The following AMBRA1 variants were observed in gnomAD, a reference collection of about 807,000 sequenced individuals.
The protein encoded by AMBRA1 is activating molecule in BECN1-regulated autophagy protein 1.
A neutral mutation model predicts 125.4 loss-of-function variants in AMBRA1; 47 were observed. That is an observed-to-expected ratio of 0.37 (90% CI 0.30 to 0.48). The LOEUF is 0.48. Among genes scored for constraint, AMBRA1 ranks in the 20% least tolerant of loss-of-function variants. AMBRA1 has a pLI of 0.99. For synonymous variants in AMBRA1, 626 were observed against 655.5 expected, an observed-to-expected ratio of 0.95 and a Z score of 0.69; for missense variants, 1,331 against 1,693.4, an observed-to-expected ratio of 0.79 and a Z score of 3.76.
At chr11:46,454,694 C>T (rs1021855916) in intron 11 of AMBRA1, among the ~76,000 whole-genome samples, 2 of 151,162 alleles carry the variant, frequency 1.3e-5, no homozygotes, top group Non-Finnish European at 2.9e-5. Context: ...GAGCTTGCAG[C>T]GAGCCGAGAT....
intron 7 of AMBRA1, among the ~76,000 whole-genome samples, chr11:46,525,596 C>A (rs1951933641): frequency 6.6e-6 from 1 of 152,012 alleles, no homozygotes; most frequent in Admixed American, 6.5e-5. Flanking sequence ...ATTAAAAATA[C>A]AAAAATTAGC....
rs116977134 is a variant in AMBRA1 at position 46,572,789 on chromosome 11, C to T, written c.-121+21039G>A. Among the ~76,000 whole-genome samples the T allele has an allele frequency of 4.9e-4, 74 of 152,122 alleles. No individual in the cohort carries two copies. The East Asian group carries it at 9.9e-3, about 20-fold the overall frequency. The stretch of plus-strand genomic sequence containing the variant: ...CCCCCCACTGTACATTTGTGGTCAC[C>T]AGATTTAAAAATAAGTATTCTGAGC... On this transcript the variant is annotated intron_variant, in intron 1 of 17. Transcript: ENST00000683756.
chr11:46,482,260 G>A (rs554467830), intron 11 of AMBRA1, among the ~76,000 whole-genome samples: 1 of 152,246 alleles, frequency 6.6e-6, no homozygotes, highest in East Asian at 1.9e-4. Flanking sequence ...GCAATGTTTT[G>A]GATAATTGTA....
chr11:46,583,167 A>G (rs2135319210), intron 1 of AMBRA1, among the ~76,000 whole-genome samples: 1 of 152,306 alleles, frequency 6.6e-6, no homozygotes, highest in South Asian at 2.1e-4. Context: ...TGATCAATGG[A>G]ACAGAACAGA....
intron 11 of AMBRA1, among the ~76,000 whole-genome samples, chr11:46,477,494 T>G (rs1590907749): frequency 6.7e-6 from 1 of 148,902 alleles, no homozygotes; most frequent in African/African-American, 2.5e-5. Context: ...CTCAGCTAAT[T>G]TCTGGAAAAA....
chr11:46,469,229 T>C (rs539356060), intron 11 of AMBRA1, among the ~76,000 whole-genome samples: 3 of 152,330 alleles, frequency 2.0e-5, no homozygotes, highest in African/African-American at 7.2e-5. Flanking sequence ...GTATTTTCAT[T>C]GAATATGGTA....
chr11:46,465,132 G>C (rs529867844), intron 11 of AMBRA1, among the ~76,000 whole-genome samples: 1 of 152,062 alleles, frequency 6.6e-6, no homozygotes, highest in African/African-American at 2.4e-5. Context: ...TGGACAACTA[G>C]TGCCCACACC....
chr11:46,488,228 G>A (rs146402129), intron 11 of AMBRA1, among the ~76,000 whole-genome samples: 2 of 152,306 alleles, frequency 1.3e-5, no homozygotes, highest in Admixed American at 1.3e-4. Context: ...AGCTGGGGCA[G>A]GTAGATCCCT....
intron 11 of AMBRA1, among the ~76,000 whole-genome samples, chr11:46,484,096 G>A (rs1165661206): frequency 6.6e-6 from 1 of 152,198 alleles, no homozygotes; most frequent in East Asian, 1.9e-4. Flanking sequence ...GTTTATCATA[G>A]GCTCAGCTCA....
chr11:46,562,042 T>TTA (rs2043356513), intron 1 of AMBRA1, among the ~76,000 whole-genome samples: 1 of 152,200 alleles, frequency 6.6e-6, no homozygotes, highest in African/African-American at 2.4e-5. Context: ...TATGTGATTT[T>TTA]TATATAATTA....
At chr11:46,463,929 T>C (rs1018778773) in intron 11 of AMBRA1, among the ~76,000 whole-genome samples, 1 of 152,246 alleles carries the variant, frequency 6.6e-6, no homozygotes, top group African/African-American at 2.4e-5. Context: ...GCAAGGCTCT[T>C]GCCTTGGGGC....
Position 46,417,893 on chromosome 11 carries a change from C to T in AMBRA1, c.3116+20G>A, listed in dbSNP as rs542611648. 90 of 1,593,232 alleles carry T rather than the reference C, an allele frequency of 5.6e-5. 1 individual carries two copies. The South Asian group carries it at 1.0e-3, about 18-fold the overall frequency. ...CTCGGCCCCAGTGATCCCTCAACCC[C>T]CACACTTTAAGCCACTTACTCTGGT... On this transcript the variant is annotated intron_variant, in intron 15 of 17. Transcript: ENST00000683756.
intron 1 of AMBRA1, among the ~76,000 whole-genome samples, chr11:46,581,031 C>T (rs1793417876): frequency 6.6e-6 from 1 of 151,926 alleles, no homozygotes; most frequent in Admixed American, 6.6e-5. Flanking sequence ...TGAGCTCAAG[C>T]AATCCACCCG....
intron 11 of AMBRA1, among the ~76,000 whole-genome samples, chr11:46,486,733 C>T (rs1950278432): frequency 6.6e-6 from 1 of 151,978 alleles, no homozygotes; most frequent in Admixed American, 6.6e-5. Flanking sequence ...TAGTGAAACA[C>T]CGTCTCTACT....
At chr11:46,585,973 T>C (rs1246708139) in intron 1 of AMBRA1, among the ~76,000 whole-genome samples, 1 of 150,532 alleles carries the variant, frequency 6.6e-6, no homozygotes, top group Non-Finnish European at 1.5e-5. Flanking sequence ...ACCCAGCTAA[T>C]TTGTATTTTT....
At chr11:46,564,154 A>C (rs71474184) in intron 1 of AMBRA1, among the ~76,000 whole-genome samples, 3,926 of 151,290 alleles carry the variant, frequency 0.026, 72 homozygotes, top group Non-Finnish European at 0.042. Context: ...CAAAAAAAAA[A>C]AAAAAAAAAA....
intron 14 of AMBRA1, among the ~76,000 whole-genome samples, chr11:46,426,650 C>T (rs1947150829): frequency 6.6e-6 from 1 of 152,190 alleles, no homozygotes; most frequent in Non-Finnish European, 1.5e-5. Flanking sequence ...ACACCTCTTA[C>T]TTCTCCTATA....
At chr11:46,494,246 G>A (rs944067135) in intron 9 of AMBRA1, 42 bp from the exon 10 acceptor site, 4 of 1,503,922 alleles carry the variant, frequency 2.7e-6, no homozygotes, top group Non-Finnish European at 1.8e-6. Flanking sequence ...AGTCACTAAG[G>A]AAGAATCATC....
chr11:46,428,579 T>G, intron 14 of AMBRA1: 1 of 1,175,152 alleles, frequency 8.5e-7, no homozygotes, highest in Non-Finnish European at 1.2e-6. Context: ...TTCCACTTCT[T>G]CTTCTTCTTC....
Sources: allele counts gnomAD v4.1 joint callset (sites outside exome capture counted in the v4.1 genomes callset), GRCh38; gene constraint gnomAD v4.1.1; transcripts MANE v1.5; gene names NCBI Gene and HGNC (gene_info 2026-07-23, HGNC 2026-07-21).